DACH2: variants seen among roughly 807,000 people sequenced by gnomAD.
The protein encoded by DACH2 is dachshund homolog 2.
A neutral mutation model predicts 35.8 loss-of-function variants in DACH2; 17 were observed. The ratio of observed to expected loss-of-function variants is 0.48; its 90% CI spans 0.33 to 0.71. The LOEUF (loss-of-function observed/expected upper bound fraction) is 0.71, where lower values mean the gene tolerates loss of function less well. Ranked by LOEUF, DACH2 falls within the 30% of genes least tolerant of loss-of-function variation. The pLI, the probability that DACH2 is intolerant of heterozygous loss-of-function variation, is 0.02. For missense variants in DACH2, 469 were observed against 472.7 expected, an observed-to-expected ratio of 0.99 and a Z score of 0.07; for synonymous variants, 195 against 177.3, an observed-to-expected ratio of 1.10 and a Z score of -0.79.
intron 4 of DACH2, among the ~76,000 whole-genome samples, chrX:86,667,178 C>G (rs1015420762): frequency 5.9e-5 from 6 of 101,779 alleles, no homozygotes; most frequent in African/African-American, 2.2e-4. Flanking sequence ...ATCACTTGAA[C>G]CTGGGAGGCA....
At chrX:86,336,025 G>C (rs2035302686) in intron 1 of DACH2, among the ~76,000 whole-genome samples, 1 of 111,878 alleles carries the variant, frequency 8.9e-6, no homozygotes, top group South Asian at 3.7e-4. Flanking sequence ...TTTTGTCATT[G>C]GTCCTGTTTA....
At chrX:86,410,732 G>A (rs980920945) in intron 2 of DACH2, among the ~76,000 whole-genome samples, 1 of 109,841 alleles carries the variant, frequency 9.1e-6, no homozygotes, top group Non-Finnish European at 1.9e-5. Flanking sequence ...CTTGAAATTT[G>A]TTGTCTCAAA....
At chrX:86,758,413 T>A (rs150756718) in intron 7 of DACH2, among the ~76,000 whole-genome samples, 184 of 111,988 alleles carry the variant, frequency 1.6e-3, no homozygotes, top group African/African-American at 5.7e-3. Flanking sequence ...CAGGTTTTGG[T>A]ATGTTGTGTT....
At chrX:86,624,060 C>CAAAAACAAAAAAAA (rs2040103041) in intron 3 of DACH2, among the ~76,000 whole-genome samples, 1 of 36,066 alleles carries the variant, frequency 2.8e-5, no homozygotes, top group Non-Finnish European at 5.0e-5. Flanking sequence ...AAAAACAAAA[C>CAAAAACAAAAAAAA]AAAAAAAAAA....
intron 11 of DACH2, 145 bp from the exon 12 acceptor site, chrX:86,831,961 T>G (rs1401477794): frequency 4.8e-6 from 2 of 415,473 alleles, no homozygotes; most frequent in African/African-American, 2.5e-5. Context: ...TATAGAAATG[T>G]TAAGAAATGT....
At chrX:86,598,685 A>G (rs933646917) in intron 3 of DACH2, among the ~76,000 whole-genome samples, 2 of 110,159 alleles carry the variant, frequency 1.8e-5, no homozygotes, top group African/African-American at 3.3e-5. Context: ...TTTCCTCGTC[A>G]CTGCTTACAT....
chrX:86,602,551 G>A (rs1236200319), intron 3 of DACH2, among the ~76,000 whole-genome samples: 3 of 111,952 alleles, frequency 2.7e-5, no homozygotes, highest in African/African-American at 9.7e-5. Context: ...TTTTAACAGG[G>A]ATGTTGTGCT....
At chrX:86,576,277 T>C (rs2039434305) in intron 3 of DACH2, among the ~76,000 whole-genome samples, 1 of 111,994 alleles carries the variant, frequency 8.9e-6, no homozygotes, top group Admixed American at 9.5e-5. Flanking sequence ...GGATATGCAT[T>C]ACAAAGGAGA....
chrX:86,462,987 A>G (rs1414649233), intron 2 of DACH2, among the ~76,000 whole-genome samples: 1 of 111,751 alleles, frequency 8.9e-6, no homozygotes, highest in Non-Finnish European at 1.9e-5. Context: ...TTATAAAAGT[A>G]GGAAATAGTT....
At chrX:86,799,297 C>T (rs2042268997) in intron 7 of DACH2, 1 of 150,713 alleles carries the variant, frequency 6.6e-6, no homozygotes, top group South Asian at 1.5e-4. Flanking sequence ...TTCCTATATT[C>T]TTAGTAGAAA....
At chrX:86,388,156 G>T (rs1226237465) in intron 2 of DACH2, among the ~76,000 whole-genome samples, 2 of 112,087 alleles carry the variant, frequency 1.8e-5, no homozygotes, top group Non-Finnish European at 3.8e-5. Context: ...CAGGCTGTCA[G>T]GAGGCCCTTG....
At chrX:86,160,214 G>C in intron 1 of DACH2, 1 of 1,173,045 alleles carries the variant, frequency 8.5e-7, no homozygotes, top group Admixed American at 2.3e-5. Context: ...TAGGGTGGCA[G>C]GTATTAGGGA....
At chrX:86,481,714 A>G (rs748983525) in intron 2 of DACH2, 4 of 111,964 alleles carry the variant, frequency 3.6e-5, no homozygotes, top group Non-Finnish European at 7.5e-5. Flanking sequence ...CTCACAGTTG[A>G]TCAGGACCTG....
At chrX:86,777,234 C>A (rs1158125544) in intron 7 of DACH2, among the ~76,000 whole-genome samples, 1 of 101,404 alleles carries the variant, frequency 9.9e-6, no homozygotes, top group Admixed American at 1.0e-4. Flanking sequence ...TTTCTCACAT[C>A]CTCTCCAGCA....
chrX:86,294,289 A>T (rs2034387865), intron 1 of DACH2, among the ~76,000 whole-genome samples: 1 of 110,827 alleles, frequency 9.0e-6, no homozygotes, highest in South Asian at 3.9e-4. Context: ...TCCTTTAAGC[A>T]CTTCTCTGTG....
At chrX:86,261,743 G>A (rs1287113188) in intron 1 of DACH2, among the ~76,000 whole-genome samples, 1 of 110,962 alleles carries the variant, frequency 9.0e-6, no homozygotes, top group Non-Finnish European at 1.9e-5. Flanking sequence ...TTTCCAAGTT[G>A]AGCAAATAGA....
At chrX:86,382,411 T>C (rs867518370) in intron 2 of DACH2, among the ~76,000 whole-genome samples, 13 of 108,261 alleles carry the variant, frequency 1.2e-4, no homozygotes, top group Non-Finnish European at 1.3e-4. Flanking sequence ...AGGGAATCAG[T>C]AGAAACTGAT....
intron 2 of DACH2, among the ~76,000 whole-genome samples, chrX:86,440,225 C>T (rs2037137734): frequency 9.0e-6 from 1 of 111,271 alleles, no homozygotes; most frequent in Non-Finnish European, 1.9e-5. Flanking sequence ...GTGTTAGAGT[C>T]TCCTGCTCTA....
chrX:86,702,495 G>A (rs1056149869), intron 5 of DACH2, among the ~76,000 whole-genome samples: 1 of 111,392 alleles, frequency 9.0e-6, no homozygotes, highest in Non-Finnish European at 1.9e-5. Context: ...AGTTGGTTCT[G>A]TGAAAAGATA....
Sources: gnomAD v4.1 joint callset for allele counts (sites outside exome capture counted in the v4.1 genomes callset) on GRCh38, gnomAD v4.1.1 for gene constraint, MANE v1.5 for transcripts, NCBI Gene and HGNC (gene_info 2026-07-23, HGNC 2026-07-21) for gene names.